Variants in DACH1 observed in about 807,000 individuals in gnomAD.
DACH1 encodes the protein dachshund homolog 1.
In DACH1, 12 loss-of-function variants were observed where a neutral mutation model predicts 54.2. The observed-to-expected ratio is 0.22, with a 90% CI of 0.14 to 0.36. The LOEUF is 0.36. Ranked by LOEUF, DACH1 falls within the 10% of genes least tolerant of loss-of-function variation. The pLI, the probability that DACH1 is intolerant of heterozygous loss-of-function variation, is 1.00. For missense variants in DACH1, 805 were observed against 929.8 expected, an observed-to-expected ratio of 0.87 and a Z score of 1.75; for synonymous variants, 386 against 366.2, an observed-to-expected ratio of 1.05 and a Z score of -0.62.
intron 1 of DACH1, among the ~76,000 whole-genome samples, chr13:71,729,534 A>G (rs1883642173): frequency 6.6e-6 from 1 of 152,048 alleles, no homozygotes; most frequent in African/African-American, 2.4e-5. Context: ...AGCTATCACA[A>G]AATCACTCTC....
intron 2 of DACH1, among the ~76,000 whole-genome samples, chr13:71,645,456 C>G (rs546086596): frequency 6.6e-6 from 1 of 152,076 alleles, no homozygotes. Context: ...GAGAAAAAGC[C>G]TGAGGTACAT....
intron 1 of DACH1, among the ~76,000 whole-genome samples, chr13:71,685,665 G>T (rs897110308): frequency 2.0e-5 from 3 of 152,080 alleles, no homozygotes; most frequent in African/African-American, 7.2e-5. Context: ...TAGGGGATTT[G>T]AATACTTCAG....
intron 1 of DACH1, among the ~76,000 whole-genome samples, chr13:71,752,856 T>C (rs1327013202): frequency 6.6e-6 from 1 of 152,190 alleles, no homozygotes; most frequent in East Asian, 1.9e-4. Context: ...TAAAAGTTCA[T>C]CTTTTGCCTT....
At chr13:71,735,597 C>CGTGTATATGGGATATAA (rs144158801) in intron 1 of DACH1, among the ~76,000 whole-genome samples, 2 of 98,094 alleles carry the variant, frequency 2.0e-5, no homozygotes, top group African/African-American at 8.1e-5. Flanking sequence ...ATGGGATATA[C>CGTGTATATGGGATATAA]GTATATGGGA....
At chr13:71,666,063 A>G (rs1257294242) in intron 2 of DACH1, among the ~76,000 whole-genome samples, 1 of 152,148 alleles carries the variant, frequency 6.6e-6, no homozygotes, top group Non-Finnish European at 1.5e-5. Flanking sequence ...TATTATACTT[A>G]CTAATGGAAT....
intron 6 of DACH1, among the ~76,000 whole-genome samples, chr13:71,543,342 C>A (rs1883256577): frequency 6.6e-6 from 1 of 151,962 alleles, no homozygotes; most frequent in African/African-American, 2.4e-5. Flanking sequence ...TTCGTAAAAT[C>A]AAGTTGAATC....
intron 10 of DACH1, among the ~76,000 whole-genome samples, chr13:71,473,945 G>A (rs944134594): frequency 1.3e-5 from 2 of 152,044 alleles, no homozygotes; most frequent in Non-Finnish European, 2.9e-5. Flanking sequence ...AGATGCAAGA[G>A]GATTCTTTTA....
chr13:71,511,598 A>G (rs1880776608), intron 6 of DACH1, among the ~76,000 whole-genome samples: 1 of 151,978 alleles, frequency 6.6e-6, no homozygotes, highest in Non-Finnish European at 1.5e-5. Context: ...ATAAAGTAAA[A>G]AGAGAAAAAC....
At chr13:71,723,246 T>TAAAA (rs112775403) in intron 1 of DACH1, among the ~76,000 whole-genome samples, 1 of 133,516 alleles carries the variant, frequency 7.5e-6, no homozygotes, top group Non-Finnish European at 1.7e-5. Context: ...CTACACAAAT[T>TAAAA]AAAAAAAAAA....
At chr13:71,539,601 C>G (rs1420831620) in intron 6 of DACH1, among the ~76,000 whole-genome samples, 1 of 151,972 alleles carries the variant, frequency 6.6e-6, no homozygotes, top group East Asian at 1.9e-4. Context: ...ACAAATTCCC[C>G]GAGGATTTCT....
intron 3 of DACH1, among the ~76,000 whole-genome samples, chr13:71,620,975 T>C (rs1876191547): frequency 6.6e-6 from 1 of 151,998 alleles, no homozygotes; most frequent in Non-Finnish European, 1.5e-5. Context: ...AAGACTTAAA[T>C]ATGTGCCATA....
intron 1 of DACH1, among the ~76,000 whole-genome samples, chr13:71,754,169 T>C (rs1425503363): frequency 6.6e-6 from 1 of 152,168 alleles, no homozygotes; most frequent in African/African-American, 2.4e-5. Context: ...TTCCAGACTG[T>C]TCTATTAGTG....
At chr13:71,798,323 C>CATATATATATAT (rs35310464) in intron 1 of DACH1, among the ~76,000 whole-genome samples, 12 of 96,498 alleles carry the variant, frequency 1.2e-4, no homozygotes, top group Admixed American at 2.1e-4. Flanking sequence ...TTGTTACATA[C>CATATATATATAT]ATATATATAT....
chr13:71,542,175 A>G (rs1033703444), intron 6 of DACH1, among the ~76,000 whole-genome samples: 1 of 151,912 alleles, frequency 6.6e-6, no homozygotes, highest in African/African-American at 2.4e-5. Context: ...TCTTGAACCC[A>G]GGAGGTGGAG....
At chr13:71,733,050 C>T (rs1402396399) in intron 1 of DACH1, among the ~76,000 whole-genome samples, 1 of 152,062 alleles carries the variant, frequency 6.6e-6, no homozygotes, top group Non-Finnish European at 1.5e-5. Context: ...CAAACCCTAA[C>T]CATATAGCAA....
intron 4 of DACH1, among the ~76,000 whole-genome samples, chr13:71,569,617 T>C (rs1015447035): frequency 1.8e-4 from 28 of 152,220 alleles, no homozygotes; most frequent in Admixed American, 4.6e-4. Flanking sequence ...GATATGTTAA[T>C]GAAAAAACTT....
chr13:71,676,367 G>A (rs1196976963), intron 2 of DACH1, among the ~76,000 whole-genome samples: 3 of 152,022 alleles, frequency 2.0e-5, no homozygotes, highest in African/African-American at 7.3e-5. Flanking sequence ...ACAGGCACCT[G>A]CCACCATGCC....
intron 1 of DACH1, among the ~76,000 whole-genome samples, chr13:71,812,762 C>T (rs118143579): frequency 8.5e-4 from 98 of 115,202 alleles, no homozygotes; most frequent in Non-Finnish European, 1.6e-3. Context: ...TTGTGTCCCA[C>T]GGAAAAAAAG....
intron 2 of DACH1, among the ~76,000 whole-genome samples, chr13:71,663,010 T>A (rs1294376584): frequency 1.3e-5 from 2 of 152,028 alleles, no homozygotes; most frequent in Admixed American, 1.3e-4. Context: ...AAAGTGCGCA[T>A]TTCACAAATA....
Sources: allele counts gnomAD v4.1 joint callset (sites outside exome capture counted in the v4.1 genomes callset), GRCh38; gene constraint gnomAD v4.1.1; transcripts MANE v1.5; gene names NCBI Gene and HGNC (gene_info 2026-07-23, HGNC 2026-07-21).